Variants in GPC6 observed in about 807,000 individuals in gnomAD.
GPC6 encodes the protein glypican 6.
Under a neutral mutation model 55.2 loss-of-function variants are expected in GPC6, and 14 were observed. The ratio of observed to expected loss-of-function variants is 0.25; its 90% CI spans 0.17 to 0.40. The LOEUF is 0.40. GPC6 is among the 10% of genes least tolerant of loss of function. The pLI, the probability that GPC6 is intolerant of heterozygous loss-of-function variation, is 1.00. For missense variants in GPC6, 641 were observed against 708.5 expected (o/e 0.90, Z 1.08); for synonymous variants, 278 against 259.6 (o/e 1.07, Z -0.68).
intron 1 of GPC6, among the ~76,000 whole-genome samples, chr13:93,326,521 G>A (rs1271802968): frequency 6.6e-6 from 1 of 152,126 alleles, no homozygotes; most frequent in African/African-American, 2.4e-5. Flanking sequence ...TTTGGGAGTA[G>A]AACCGTTTAC....
At chr13:94,302,078 T>C (rs1875680329) in intron 5 of GPC6, among the ~76,000 whole-genome samples, 1 of 152,232 alleles carries the variant, frequency 6.6e-6, no homozygotes, top group South Asian at 2.1e-4. Context: ...AAATTTCCTT[T>C]GTCACCCACC....
chr13:93,528,743 C>T (rs767343730), intron 1 of GPC6, among the ~76,000 whole-genome samples: 4 of 152,004 alleles, frequency 2.6e-5, no homozygotes, highest in Admixed American at 6.6e-5. Flanking sequence ...CTTGAGTTAG[C>T]GATTAGCCTT....
intron 1 of GPC6, among the ~76,000 whole-genome samples, chr13:93,262,875 C>T (rs1221302082): frequency 6.6e-6 from 1 of 152,046 alleles, no homozygotes; most frequent in African/African-American, 2.4e-5. Context: ...AGGGATGAGT[C>T]AGTCAGAAAA....
intron 2 of GPC6, among the ~76,000 whole-genome samples, chr13:93,782,880 G>A (rs1169641069): frequency 3.3e-5 from 5 of 152,060 alleles, no homozygotes; most frequent in African/African-American, 1.2e-4. Flanking sequence ...TGAACAGAAT[G>A]TGCAGGTTTG....
intron 2 of GPC6, among the ~76,000 whole-genome samples, chr13:93,597,483 A>G (rs940306558): frequency 3.3e-5 from 5 of 152,100 alleles, no homozygotes; most frequent in Admixed American, 6.5e-5. Context: ...CCTTCCATCT[A>G]CCTTTGAGAA....
At chr13:94,137,470 A>G (rs780023509) in intron 4 of GPC6, among the ~76,000 whole-genome samples, 1 of 152,174 alleles carries the variant, frequency 6.6e-6, no homozygotes, top group Admixed American at 6.5e-5. Context: ...TCAAAGTGAT[A>G]GGGTCTGAGC....
intron 2 of GPC6, among the ~76,000 whole-genome samples, chr13:93,749,475 C>A (rs1207978500): frequency 6.6e-6 from 1 of 151,818 alleles, no homozygotes; most frequent in Admixed American, 6.6e-5. Context: ...AGAATATTTA[C>A]TGAGTACTTT....
At chr13:93,600,397 T>C (rs1203135336) in intron 2 of GPC6, among the ~76,000 whole-genome samples, 2 of 152,106 alleles carry the variant, frequency 1.3e-5, no homozygotes, top group African/African-American at 4.8e-5. Flanking sequence ...GGAGAAGAAA[T>C]TGGAACTGTG....
At chr13:93,547,981 C>G (rs1488484641) in intron 2 of GPC6, among the ~76,000 whole-genome samples, 1 of 152,094 alleles carries the variant, frequency 6.6e-6, no homozygotes, top group Non-Finnish European at 1.5e-5. Flanking sequence ...CCATTTGTTC[C>G]TTTCTTCCTC....
chr13:93,678,388 T>C (rs187627252), intron 2 of GPC6, among the ~76,000 whole-genome samples: 1 of 152,334 alleles, frequency 6.6e-6, no homozygotes, highest in Non-Finnish European at 1.5e-5. Flanking sequence ...CAATGTTGTA[T>C]GTGAGCGACT....
intron 1 of GPC6, among the ~76,000 whole-genome samples, chr13:93,367,579 T>C (rs551600738): frequency 2.9e-4 from 44 of 152,184 alleles, no homozygotes; most frequent in Non-Finnish European, 5.0e-4. Context: ...TGCATTTCCT[T>C]TCGGCAGTGT....
intron 4 of GPC6, among the ~76,000 whole-genome samples, chr13:94,114,421 G>C (rs892438957): frequency 6.6e-6 from 1 of 152,080 alleles, no homozygotes; most frequent in African/African-American, 2.4e-5. Flanking sequence ...AAGCAGGCGG[G>C]GGTATATTCA....
chr13:93,601,888 G>C (rs929835910), intron 2 of GPC6, among the ~76,000 whole-genome samples: 1 of 152,190 alleles, frequency 6.6e-6, no homozygotes, highest in Non-Finnish European at 1.5e-5. Flanking sequence ...CTGCATTTCA[G>C]CTCTTTGTCT....
At chr13:94,203,722 T>C (rs933405843) in intron 4 of GPC6, among the ~76,000 whole-genome samples, 3 of 152,132 alleles carry the variant, frequency 2.0e-5, no homozygotes, top group African/African-American at 7.2e-5. Context: ...GATTCTTCTT[T>C]ACTTCGAAAA....
At chr13:94,066,560 C>G (rs1030137204) in intron 4 of GPC6, among the ~76,000 whole-genome samples, 5 of 152,166 alleles carry the variant, frequency 3.3e-5, no homozygotes, top group Non-Finnish European at 5.9e-5. Flanking sequence ...ATAAAAGGAA[C>G]ATTTTTAAGT....
chr13:94,092,121 CG>C (rs1885506764), intron 4 of GPC6, among the ~76,000 whole-genome samples: 1 of 116,728 alleles, frequency 8.6e-6, no homozygotes, highest in South Asian at 2.8e-4. Context: ...TGTGTGTTTG[CG>C]GGGTGGGGCG....
intron 1 of GPC6, among the ~76,000 whole-genome samples, chr13:93,540,837 CT>C (rs1341079486): frequency 6.6e-6 from 1 of 152,140 alleles, no homozygotes; most frequent in Non-Finnish European, 1.5e-5. Flanking sequence ...TCAAAGACCT[CT>C]TACTTTCCTC....
intron 4 of GPC6, among the ~76,000 whole-genome samples, chr13:94,257,266 A>T (rs1475881629): frequency 6.6e-6 from 1 of 152,210 alleles, no homozygotes; most frequent in Non-Finnish European, 1.5e-5. Flanking sequence ...GGCACTTTAG[A>T]AACAAAATTT....
At chr13:94,203,219 A>G (rs1889808319) in intron 4 of GPC6, among the ~76,000 whole-genome samples, 1 of 151,648 alleles carries the variant, frequency 6.6e-6, no homozygotes, top group African/African-American at 2.4e-5. Context: ...TGCTCAAAGT[A>G]GGGCCTATAT....
Sources: allele counts gnomAD v4.1 joint callset (sites outside exome capture counted in the v4.1 genomes callset), GRCh38; gene constraint gnomAD v4.1.1; transcripts MANE v1.5; gene names NCBI Gene and HGNC (gene_info 2026-07-23, HGNC 2026-07-21).